The following CDH12 variants were observed in gnomAD, a reference collection of about 807,000 sequenced individuals.
CDH12 encodes the protein cadherin-12.
CDH12 carries 41 observed loss-of-function variants against 74.1 expected under a neutral mutation model. The ratio of observed to expected loss-of-function variants is 0.55; its 90% CI spans 0.43 to 0.72. The LOEUF (loss-of-function observed/expected upper bound fraction) is 0.72. CDH12 is among the 30% of genes least tolerant of loss of function. The pLI is 0.00. For missense variants in CDH12, 945 were observed against 977.2 expected, an observed-to-expected ratio of 0.97 and a Z score of 0.44; for synonymous variants, 399 against 355.0, an observed-to-expected ratio of 1.12 and a Z score of -1.39.
intron 1 of CDH12, among the ~76,000 whole-genome samples, chr5:22,585,372 G>T (rs1580790128): frequency 6.6e-6 from 1 of 152,242 alleles, no homozygotes; most frequent in East Asian, 1.9e-4. Flanking sequence ...TTTAGGCATA[G>T]AGCTCTTTTT....
intron 1 of CDH12, among the ~76,000 whole-genome samples, chr5:22,687,101 C>T (rs1741839339): frequency 6.6e-6 from 1 of 152,106 alleles, no homozygotes; most frequent in African/African-American, 2.4e-5. Context: ...CGAGACCACT[C>T]TGACCAATAT....
chr5:22,098,831 A>G lies in CDH12; in HGVS notation c.-186-19969T>C, dbSNP rs541260603. On this transcript the variant is annotated intron_variant, in intron 4 of 14. Transcript: ENST00000382254. ...GATTATGGCTTGATTTATTGATAGC[A>G]GTTCCACCAGGCCTAATCGCCACAC... Among the ~76,000 whole-genome samples the G allele has an allele frequency of 2.8e-4, 42 of 152,208 alleles. No homozygotes were observed. The East Asian group carries it at 3.7e-3, about 13-fold the overall frequency.
chr5:22,189,398 A>G (rs1292162756), intron 4 of CDH12, among the ~76,000 whole-genome samples: 1 of 152,190 alleles, frequency 6.6e-6, no homozygotes, highest in Non-Finnish European at 1.5e-5. Context: ...AATCAATAAC[A>G]TTATTAAGAG....
At chr5:22,693,790 T>A (rs1398114011) in intron 1 of CDH12, among the ~76,000 whole-genome samples, 3 of 152,088 alleles carry the variant, frequency 2.0e-5, no homozygotes, top group Non-Finnish European at 4.4e-5. Context: ...TGTCTGCATA[T>A]ACAAATGAGG....
intron 3 of CDH12, among the ~76,000 whole-genome samples, chr5:22,316,726 A>G (rs1738647523): frequency 6.6e-6 from 1 of 152,180 alleles, no homozygotes; most frequent in Non-Finnish European, 1.5e-5. Context: ...AAACAAAATA[A>G]TAAAGAAGGA....
At chr5:22,047,492 G>A (rs1372148491) in intron 5 of CDH12, among the ~76,000 whole-genome samples, 1 of 151,726 alleles carries the variant, frequency 6.6e-6, no homozygotes, top group African/African-American at 2.4e-5. Flanking sequence ...TTTATATGCA[G>A]GTATAAAAGA....
chr5:22,495,320 T>C (rs768559474), intron 2 of CDH12, among the ~76,000 whole-genome samples: 6 of 152,196 alleles, frequency 3.9e-5, no homozygotes, highest in Non-Finnish European at 5.9e-5. Context: ...AAGATGTTCA[T>C]TGAGAATTTT....
chr5:22,249,278 A>G (rs1385624906), intron 3 of CDH12, among the ~76,000 whole-genome samples: 6 of 152,226 alleles, frequency 3.9e-5, no homozygotes, highest in African/African-American at 1.4e-4. Flanking sequence ...AGGAAGCATA[A>G]CAATTTGCTA....
At chr5:22,268,750 T>C (rs919307040) in intron 3 of CDH12, among the ~76,000 whole-genome samples, 2 of 152,148 alleles carry the variant, frequency 1.3e-5, no homozygotes, top group African/African-American at 2.4e-5. Context: ...AACATCTGCC[T>C]GGTAAAATTA....
chr5:22,780,585 T>G (rs546147554), intron 1 of CDH12, among the ~76,000 whole-genome samples: 1 of 152,148 alleles, frequency 6.6e-6, no homozygotes, highest in African/African-American at 2.4e-5. Context: ...ACTCATTCAC[T>G]ATCGCAAGAA....
chr5:22,665,259 A>T (rs1296746116), intron 1 of CDH12, among the ~76,000 whole-genome samples: 1 of 152,204 alleles, frequency 6.6e-6, no homozygotes, highest in Admixed American at 6.5e-5. Flanking sequence ...ATGCCTTTGT[A>T]TGTTCTCAAT....
At position 22,483,748 on chromosome 5, in the gene CDH12, C is replaced by CTATATATATA. The variant is rs573933210; in HGVS notation, c.-428+21512_-428+21521dup. Among the ~76,000 whole-genome samples, 187 of 22,780 alleles carry CTATATATATA rather than the reference C, an allele frequency of 8.2e-3. 53 individuals carry two copies. Among genetic ancestry groups the CTATATATATA allele is most frequent in the South Asian group, 0.015 (11 of 740 alleles). 14.9% of individuals were successfully genotyped at this position (22,780 alleles called of 152,430 possible). A position where few individuals can be genotyped will look rare whatever the true frequency, so the allele number is the denominator to read the frequency against. ...TAGCAAGGACCTGTCTCTTTCAAAACTATATATATATATATAAATTTAATT... is the reference window on the plus strand; with the variant it reads ...TAGCAAGGACCTGTCTCTTTCAAAACTATATATATATATATATATATATATAAATTTAATT... On this transcript the variant is annotated intron_variant, in intron 2 of 14. Transcript: ENST00000382254.
chr5:21,808,991 T>G (rs577598639), intron 9 of CDH12, among the ~76,000 whole-genome samples: 1 of 152,010 alleles, frequency 6.6e-6, no homozygotes, highest in South Asian at 2.1e-4. Context: ...ATAAGAAACA[T>G]ATAATTACTA....
At chr5:22,338,214 A>G (rs1280209025) in intron 3 of CDH12, among the ~76,000 whole-genome samples, 1 of 152,230 alleles carries the variant, frequency 6.6e-6, no homozygotes, top group African/African-American at 2.4e-5. Context: ...TGGTACTTAT[A>G]CATGATGGAG....
At chr5:21,837,833 T>C (rs902137367) in intron 8 of CDH12, among the ~76,000 whole-genome samples, 1 of 152,114 alleles carries the variant, frequency 6.6e-6, no homozygotes, top group African/African-American at 2.4e-5. Context: ...ACCTCTTCTT[T>C]CTCCTGGTTC....
At chr5:21,840,454 C>G (rs934068921) in intron 8 of CDH12, among the ~76,000 whole-genome samples, 4 of 151,460 alleles carry the variant, frequency 2.6e-5, no homozygotes, top group African/African-American at 9.7e-5. Context: ...AGATTCAATA[C>G]CATCCCCATC....
chr5:22,178,064 A>G (rs1749437990), intron 4 of CDH12, among the ~76,000 whole-genome samples: 1 of 152,206 alleles, frequency 6.6e-6, no homozygotes, highest in Non-Finnish European at 1.5e-5. Flanking sequence ...ACTGGCATGT[A>G]TCCACACCGT....
At chr5:21,893,010 A>T (rs10214360) in intron 6 of CDH12, among the ~76,000 whole-genome samples, 116,749 of 152,166 alleles carry the variant, frequency 0.77, 46,166 homozygotes, top group Non-Finnish European at 0.86. Context: ...GATTTAGTAC[A>T]TCACGTTTGC....
intron 10 of CDH12, among the ~76,000 whole-genome samples, chr5:21,796,097 T>C (rs1422822579): frequency 6.6e-6 from 1 of 152,024 alleles, no homozygotes; most frequent in African/African-American, 2.4e-5. Context: ...GGGTTTTTGT[T>C]AGAAAGATCA....
Sources: allele counts gnomAD v4.1 joint callset (sites outside exome capture counted in the v4.1 genomes callset), GRCh38; gene constraint gnomAD v4.1.1; transcripts MANE v1.5; gene names NCBI Gene and HGNC (gene_info 2026-07-23, HGNC 2026-07-21).